USPL1: variants seen among roughly 807,000 people sequenced by gnomAD.
The protein encoded by USPL1 is SUMO-specific isopeptidase USPL1.
USPL1 carries 27 observed loss-of-function variants against 51.5 expected under a neutral mutation model. That is an observed-to-expected ratio of 0.52 (90% confidence interval 0.39 to 0.72). The LOEUF is 0.72. USPL1 is among the 30% of genes least tolerant of loss of function. The probability of loss-of-function intolerance (pLI) is 0.00; values close to 1 mark genes in which losing one functional copy is unlikely to be tolerated. For synonymous variants in USPL1, 451 were observed against 459.6 expected (o/e 0.98, Z 0.24); for missense variants, 1,226 against 1,268.0 (o/e 0.97, Z 0.50).
intron 5 of USPL1, among the ~76,000 whole-genome samples, chr13:30,641,174 G>T (rs190305827): frequency 2.0e-5 from 3 of 152,160 alleles, no homozygotes; most frequent in Non-Finnish European, 4.4e-5. Flanking sequence ...CCAATCATAG[G>T]GACATTTGAA....
Position 30,660,423 on chromosome 13 carries a change from GCA to G in USPL1, c.*1069_*1070del, listed in dbSNP as rs1951243832. The G allele has an allele frequency of 6.6e-6, 1 of 152,270 alleles. No individual in the cohort carries two copies. The highest frequency in any genetic ancestry group is 2.4e-5 in the African/African-American group (1 of 41,474). 9.4% of individuals were successfully genotyped at this position (152,270 alleles called of 1,614,324 possible). On this transcript the variant is annotated 3_prime_UTR_variant, in exon 9 of 9. Transcript: ENST00000255304. ...CAAAAGTGCAGGGATGCCTGAGTCT[GCA>G]CCCGCACCCAGGAGGGTGGAGATCT...
At chr13:30,638,993 G>A (rs972861542) in intron 5 of USPL1, among the ~76,000 whole-genome samples, 4 of 151,468 alleles carry the variant, frequency 2.6e-5, no homozygotes, top group East Asian at 1.9e-4. Flanking sequence ...CAAGGCAGGC[G>A]TATCACAAGG....
chr13:30,630,801 G>C, intron 3 of USPL1, 34 bp from the exon 4 acceptor site: 1 of 1,533,092 alleles, frequency 6.5e-7, no homozygotes, highest in Non-Finnish European at 8.8e-7. Context: ...ATTTGAATTT[G>C]TGTAGTTTTT....
At chr13:30,636,215 A>G (rs1950873752) in intron 4 of USPL1, among the ~76,000 whole-genome samples, 1 of 152,234 alleles carries the variant, frequency 6.6e-6, no homozygotes, top group African/African-American at 2.4e-5. Context: ...TGTTTGCTGC[A>G]GAAGAGCAGC....
chr13:30,631,159 A>G lies in USPL1; in HGVS notation c.553A>G (p.Thr185Ala). The G allele has an allele frequency of 1.9e-6, 3 of 1,614,232 alleles. No homozygotes were observed. Among genetic ancestry groups the G allele is most frequent in the South Asian group, 2.2e-5 (2 of 91,088 alleles). ...AGCTGATACTGTTGACATGGCTACT[A>G]CAAAAGATCCTGCTACAGTTGATGT... ...LEADTVDMAT[T>A]KDPATVDVSG... Residue 185 changes from threonine (T) to alanine (A), a missense_variant, in exon 4 of 9, where the codon ACA becomes GCA. Thr to Ala is a moderately conservative substitution (Grantham distance 58). Coordinates refer to ENST00000255304, the MANE Select transcript of USPL1 (RefSeq NM_005800.5).
rs893868484 is a variant in USPL1, at chr13:30,659,939, G to C, written c.*583G>C. 6.6e-6 allele frequency: 1 copy of C among 152,024 alleles called. No individual in the cohort carries two copies. Among genetic ancestry groups the C allele is most frequent in the Non-Finnish European group, 1.5e-5 (1 of 68,196 alleles). 9.4% of individuals were successfully genotyped at this position (152,024 alleles called of 1,614,324 possible). A position where few individuals can be genotyped will look rare whatever the true frequency, so the allele number is the denominator to read the frequency against. ...TCAGCAGAGAAAAGGCCCTGGAGAGGGTGACTCCTCTCAGCTCTCAGCAGA... is the reference window on the plus strand; with the variant it reads ...TCAGCAGAGAAAAGGCCCTGGAGAGCGTGACTCCTCTCAGCTCTCAGCAGA... On this transcript the variant is annotated 3_prime_UTR_variant, in exon 9 of 9. Transcript: ENST00000255304.
chr13:30,651,391 G>A (rs1179856531), intron 7 of USPL1, among the ~76,000 whole-genome samples: 2 of 152,140 alleles, frequency 1.3e-5, no homozygotes, highest in Non-Finnish European at 2.9e-5. Flanking sequence ...CAGGGAATTG[G>A]GCTGAGTGTG....
At chr13:30,648,485 C>T (rs1190698945) in intron 7 of USPL1, among the ~76,000 whole-genome samples, 1 of 152,110 alleles carries the variant, frequency 6.6e-6, no homozygotes, top group African/African-American at 2.4e-5. Context: ...AAGGCCTCAT[C>T]CCCACATTCT....
chr13:30,658,766 A>C lies in USPL1; in HGVS notation c.2689A>C (p.Lys897Gln). ...TCGTCTAAAACTTCGTAAAAAGCTA[A>C]AGGCAGAAAAGAAGAAATTAGCTGC... ...KLRLKLRKKL[K>Q]AEKKKLAALM... Residue 897 changes from lysine (K) to glutamine (Q), a missense_variant, in exon 9 of 9, where the codon AAG (lysine) becomes CAG (glutamine). Lys to Gln is a moderately conservative substitution (Grantham distance 53). Transcript: ENST00000255304. 1 of 1,614,164 alleles carries C rather than the reference A, an allele frequency of 6.2e-7. No individual in the cohort carries two copies. The highest frequency in any genetic ancestry group is 8.5e-7 in the Non-Finnish European group (1 of 1,180,022).
At position 30,638,357 on chromosome 13, in the gene USPL1, G is replaced by A. The variant is rs141008415; in HGVS notation, c.982+500G>A. ...CCATAGTAATTCTACTTCCCTACCA[G>A]TGATTGGTTTAGGAATGTCCTTGTG... On this transcript the variant is annotated intron_variant, in intron 5 of 8. Transcript: ENST00000255304. Among the ~76,000 whole-genome samples the A allele has an allele frequency of 3.5e-3, 538 of 152,252 alleles. 4 individuals are homozygous for A. Among genetic ancestry groups the A allele is most frequent in the Middle Eastern group, 6.8e-3 (2 of 294 alleles).
In USPL1 at chr13:30,646,915, A is replaced by G; in HGVS notation, c.1113-17A>G. The G allele has an allele frequency of 6.3e-7, 1 of 1,596,548 alleles. No individual in the cohort carries two copies. Among genetic ancestry groups the G allele is most frequent in the Non-Finnish European group, 8.5e-7 (1 of 1,172,006 alleles). Reference sequence around the variant, plus strand: ...TGCATTTAACGTTAATGAATTTGTTATGTCATTTTTTTATAGGCATATGAA... The same window carrying G: ...TGCATTTAACGTTAATGAATTTGTTGTGTCATTTTTTTATAGGCATATGAA... On this transcript the variant is annotated splice_polypyrimidine_tract_variant and intron_variant, in intron 6 of 8. Coordinates refer to ENST00000255304, the MANE Select transcript of USPL1 (RefSeq NM_005800.5).
chr13:30,650,022 C>T (rs1951068206), intron 7 of USPL1, among the ~76,000 whole-genome samples: 1 of 152,034 alleles, frequency 6.6e-6, no homozygotes, highest in Non-Finnish European at 1.5e-5. Flanking sequence ...GAGAACAAAA[C>T]CTAGGGATAA....
chr13:30,634,844 C>A (rs1331232355), intron 4 of USPL1, among the ~76,000 whole-genome samples: 2 of 152,154 alleles, frequency 1.3e-5, no homozygotes, highest in East Asian at 3.8e-4. Context: ...TCCATATATT[C>A]TTCTTGGTTT....
chr13:30,645,431 G>A (rs145169822), intron 6 of USPL1, among the ~76,000 whole-genome samples: 8 of 152,330 alleles, frequency 5.3e-5, no homozygotes, highest in African/African-American at 1.9e-4. Context: ...GATGTTAAAT[G>A]CGTTTTAGAG....
At position 30,642,664 on chromosome 13, in the gene USPL1, T is replaced by A; in HGVS notation, c.1019T>A (p.Leu340His). 1 of 1,613,924 alleles carries A rather than the reference T, an allele frequency of 6.2e-7. No individual in the cohort carries two copies. The highest frequency in any genetic ancestry group is 8.5e-7 in the Non-Finnish European group (1 of 1,179,874). The change falls in exon 6 of 9, where the codon CTC (leucine) becomes CAC (histidine). Residue 340 changes from leucine (L) to histidine (H), a missense_variant. By Grantham distance (99) the Leu-to-His change is moderately conservative (BLOSUM62 -3). Coordinates refer to ENST00000255304, the MANE Select transcript of USPL1 (RefSeq NM_005800.5). ...AGCCCTGTGTTTGCATTTCCCCTGC[T>A]CTTAAAACTAGAAACCCACATTGAA... ...MESPVFAFPL[L>H]LKLETHIEKL...
chr13:30,649,140 A>G (rs1017979915), intron 7 of USPL1, among the ~76,000 whole-genome samples: 2 of 152,232 alleles, frequency 1.3e-5, no homozygotes, highest in African/African-American at 4.8e-5. Flanking sequence ...TTTTAATGGA[A>G]AATGTGTTTT....
intron 7 of USPL1, among the ~76,000 whole-genome samples, chr13:30,650,752 G>A (rs1028229018): frequency 6.6e-6 from 1 of 152,032 alleles, no homozygotes; most frequent in Non-Finnish European, 1.5e-5. Flanking sequence ...CACTTTGGGA[G>A]GCCAAGGCGG....
At chr13:30,625,478 G>A (rs547385065) in intron 3 of USPL1, among the ~76,000 whole-genome samples, 4 of 134,196 alleles carry the variant, frequency 3.0e-5, no homozygotes, top group African/African-American at 1.2e-4. Context: ...ACGGAGTCTC[G>A]CTCTGTCACG....
At chr13:30,655,627 A>G (rs1269300858) in intron 8 of USPL1, among the ~76,000 whole-genome samples, 1 of 152,204 alleles carries the variant, frequency 6.6e-6, no homozygotes, top group Admixed American at 6.5e-5. Flanking sequence ...GTACTTGTAT[A>G]AGGAAAAGAG....
Sources: gnomAD v4.1 joint callset for allele counts (sites outside exome capture counted in the v4.1 genomes callset) on GRCh38, gnomAD v4.1.1 for gene constraint, MANE v1.5 for transcripts, NCBI Gene and HGNC (gene_info 2026-07-23, HGNC 2026-07-21) for gene names.